MLPH: variants seen among roughly 807,000 people sequenced by gnomAD.
MLPH encodes the protein exophilin-3.
A neutral mutation model predicts 72.1 loss-of-function variants in MLPH; 51 were observed. The ratio of observed to expected loss-of-function variants is 0.71; its 90% CI spans 0.56 to 0.89. The LOEUF is 0.89. Among genes scored for constraint, MLPH ranks in the 40% least tolerant of loss-of-function variants. MLPH has a pLI of 0.00. For missense variants in MLPH, 743 were observed against 759.9 expected (o/e 0.98, Z 0.26); for synonymous variants, 301 against 310.1 (o/e 0.97, Z 0.31).
rs201016353 is a variant in MLPH at position 237,534,536 on chromosome 2, G to C, written c.1021-28G>C. 8.8e-5 allele frequency: 140 copies of C among 1,598,018 alleles called. No individual in the cohort carries two copies. The East Asian group carries it at 2.8e-3, about 32-fold the overall frequency. ...CTGGTTGGAGTGCACTGGGTCCTCT[G>C]CCCACTGTTTCTCTCCTTCTGCTGC... On this transcript the variant is annotated intron_variant, in intron 8 of 15. Coordinates refer to ENST00000264605, the MANE Select transcript of MLPH (RefSeq NM_024101.7).
At chr2:237,513,221 T>A (rs1404030901) in intron 4 of MLPH, among the ~76,000 whole-genome samples, 1 of 152,208 alleles carries the variant, frequency 6.6e-6, no homozygotes, top group Non-Finnish European at 1.5e-5. Flanking sequence ...GGGTCTTCAT[T>A]GAGTGAACCT....
chr2:237,513,560 G>T (rs533217589), intron 4 of MLPH, among the ~76,000 whole-genome samples: 6 of 152,164 alleles, frequency 3.9e-5, no homozygotes, highest in Admixed American at 2.6e-4. Flanking sequence ...AATTTTTTTG[G>T]TTTTTTTCTT....
chr2:237,528,665 C>T (rs1559361297), intron 8 of MLPH, among the ~76,000 whole-genome samples: 1 of 151,756 alleles, frequency 6.6e-6, no homozygotes, highest in Non-Finnish European at 1.5e-5. Context: ...AGTGACAGTA[C>T]ATTTACAGTG....
chr2:237,516,886 A>AGGAT (rs570237107), intron 4 of MLPH, among the ~76,000 whole-genome samples: 3,613 of 98,208 alleles, frequency 0.037, 151 homozygotes, highest in African/African-American at 0.14. Context: ...GATGGATGGT[A>AGGAT]GGATGGATGG....
intron 4 of MLPH, chr2:237,518,125 GGGATGGAT>G (rs145481523): frequency 0.024 from 7,871 of 334,924 alleles, 203 homozygotes; most frequent in South Asian, 0.064. Flanking sequence ...GAGGGATGGA[GGGATGGAT>G]GGATGGATGG....
rs1285713753 is a variant in MLPH, at chr2:237,512,932, T to C, written c.445+1831T>C. Among the ~76,000 whole-genome samples the C allele has an allele frequency of 6.6e-6, 1 of 151,386 alleles. No individual in the cohort carries two copies. Among genetic ancestry groups the C allele is most frequent in the African/African-American group, 2.4e-5 (1 of 41,158 alleles). On this transcript the variant is annotated intron_variant, in intron 4 of 15. Coordinates refer to ENST00000264605, the MANE Select transcript of MLPH (RefSeq NM_024101.7). This position sits in a 1 kb window ranked among gnomAD's most constrained non-coding sequence, Gnocchi z 5.5. ...TCATCACCACCAAGGGGCCAGGAGG[T>C]GGCGCTGTGGGGCAACAGAAAACAG...
chr2:237,546,863 T>TGGC (rs1473825883), intron 13 of MLPH, among the ~76,000 whole-genome samples, 180 bp downstream of exon 13: 1 of 152,186 alleles, frequency 6.6e-6, no homozygotes, highest in African/African-American at 2.4e-5. Flanking sequence ...GCTTCCTCCG[T>TGGC]GGCACACACC....
At chr2:237,517,601 G>A (rs927817768) in intron 4 of MLPH, among the ~76,000 whole-genome samples, 34 of 148,478 alleles carry the variant, frequency 2.3e-4, no homozygotes, top group Non-Finnish European at 4.8e-4. Flanking sequence ...AGTCGGGAGG[G>A]ATGAGTGGTG....
At position 237,553,817 on chromosome 2, in the gene MLPH, C is replaced by A; in HGVS notation, c.*225C>A. 1.4e-6 allele frequency: 1 copy of A among 713,016 alleles called. No individual in the cohort carries two copies. 44.2% of individuals were successfully genotyped at this position (713,016 alleles called of 1,614,324 possible). A position where few individuals can be genotyped will look rare whatever the true frequency, so the allele number is the denominator to read the frequency against. ...TGACTCCTGGCTGCCCCACCATCCTCTCTGATCTGTGAGAAACAGCTAAGC... is the reference window on the plus strand; with the variant it reads ...TGACTCCTGGCTGCCCCACCATCCTATCTGATCTGTGAGAAACAGCTAAGC... On this transcript the variant is annotated 3_prime_UTR_variant, in exon 16 of 16. Coordinates refer to ENST00000264605, the MANE Select transcript of MLPH (RefSeq NM_024101.7).
intron 8 of MLPH, among the ~76,000 whole-genome samples, chr2:237,533,634 T>G (rs1055602054): frequency 3.3e-5 from 5 of 152,194 alleles, no homozygotes; most frequent in African/African-American, 1.2e-4. Context: ...TCAGGTGATC[T>G]GCCTGAGTCC....
chr2:237,526,649 C>G (rs1342232268), intron 7 of MLPH, among the ~76,000 whole-genome samples: 1 of 152,136 alleles, frequency 6.6e-6, no homozygotes, highest in Non-Finnish European at 1.5e-5. Flanking sequence ...GGGGAGAGGC[C>G]ATCGTGCTGG....
rs2081090722 is a variant in MLPH at position 237,554,222 on chromosome 2, C to T, written c.*630C>T. On this transcript the variant is annotated 3_prime_UTR_variant, in exon 16 of 16. Transcript: ENST00000264605. ...ATTACACTGCGGTCAAGGGCAGAGC[C>T]TGCACATGACAGCAAGTGAGCATTT... 5.2e-6 allele frequency: 1 copy of T among 192,294 alleles called. No individual in the cohort carries two copies. The highest frequency in any genetic ancestry group is 1.1e-5 in the Non-Finnish European group (1 of 91,380). The allele number at this position is 192,294 out of a possible 1,614,324, so 11.9% of individuals were successfully genotyped here. A position where few individuals can be genotyped will look rare whatever the true frequency, so the allele number is the denominator to read the frequency against.
intron 6 of MLPH, among the ~76,000 whole-genome samples, chr2:237,524,787 G>C (rs2080266443): frequency 6.8e-6 from 1 of 146,026 alleles, no homozygotes; most frequent in Non-Finnish European, 1.5e-5. Flanking sequence ...CAGGCCCAAG[G>C]CCGGCTTCAT....
chr2:237,532,845 C>T (rs1454040687), intron 8 of MLPH, among the ~76,000 whole-genome samples: 1 of 152,192 alleles, frequency 6.6e-6, no homozygotes, highest in East Asian at 1.9e-4. Flanking sequence ...ATAAGGGTAG[C>T]AGAGGAAGAA....
At chr2:237,535,332 A>C (rs886540506) in intron 9 of MLPH, among the ~76,000 whole-genome samples, 2 of 152,076 alleles carry the variant, frequency 1.3e-5, no homozygotes, top group African/African-American at 4.8e-5. Context: ...TCACGACCTA[A>C]TCACCTCTTG....
chr2:237,491,470 G>C (rs1341488582), intron 1 of MLPH, among the ~76,000 whole-genome samples: 1 of 152,264 alleles, frequency 6.6e-6, no homozygotes, highest in Admixed American at 6.5e-5. Flanking sequence ...ACAGCCTGCT[G>C]CACACCAGGG....
At chr2:237,552,202 T>C (rs2081053620) in intron 14 of MLPH, 135 bp from the exon 15 acceptor site, 3 of 676,992 alleles carry the variant, frequency 4.4e-6, no homozygotes, top group Non-Finnish European at 7.9e-6. Context: ...TTAAAAAATA[T>C]GTGATGTGGA....
At position 237,490,398 on chromosome 2, in the gene MLPH, C is replaced by G. The variant is rs1274531446; in HGVS notation, c.-25+2961C>G. Among the ~76,000 whole-genome samples, 7 of 152,260 alleles carry G rather than the reference C, an allele frequency of 4.6e-5. No individual in the cohort carries two copies. In the East Asian group the frequency reaches 1.3e-3, roughly 29 times the overall value. ...GGAGGGACAGATATCCAAGCAGCCT[C>G]TAGGACATTGGTTGTGATGCTCTGT... is the stretch of plus-strand genomic sequence containing the variant. On this transcript the variant is annotated intron_variant, in intron 1 of 15. Transcript: ENST00000264605.
intron 6 of MLPH, among the ~76,000 whole-genome samples, chr2:237,524,775 C>G (rs962576645): frequency 1.3e-5 from 2 of 152,218 alleles, no homozygotes; most frequent in African/African-American, 4.8e-5. Context: ...CAGGCCCAGG[C>G]CCAGGCCCAA....
Sources: gnomAD v4.1 joint callset for allele counts (sites outside exome capture counted in the v4.1 genomes callset) on GRCh38, gnomAD v4.1.1 for gene constraint, Gnocchi (gnomAD v3.1) non-coding constraint, MANE v1.5 for transcripts, NCBI Gene and HGNC (gene_info 2026-07-23, HGNC 2026-07-21) for gene names.